The following PPP3R1 variants were observed in gnomAD, a reference collection of about 807,000 sequenced individuals.
PPP3R1 encodes the protein calcineurin subunit B type 1.
In PPP3R1, 5 loss-of-function variants were observed where a neutral mutation model predicts 22.6. The observed-to-expected ratio is 0.22, with a 90% confidence interval of 0.12 to 0.46. The LOEUF is 0.46. Ranked by LOEUF, PPP3R1 falls within the 20% of genes least tolerant of loss-of-function variation. The pLI is 0.99. For missense variants in PPP3R1, 61 were observed against 203.2 expected, an observed-to-expected ratio of 0.30 and a Z score of 4.25; for synonymous variants, 56 against 65.2, an observed-to-expected ratio of 0.86 and a Z score of 0.68.
At chr2:68,209,203 A>C (rs1669412816) in intron 2 of PPP3R1, among the ~76,000 whole-genome samples, 1 of 149,194 alleles carries the variant, frequency 6.7e-6, no homozygotes, top group Non-Finnish European at 1.5e-5. Flanking sequence ...CTAAAAATAC[A>C]AAAAAATTAG....
intron 1 of PPP3R1, among the ~76,000 whole-genome samples, chr2:68,236,774 A>T (rs1196224191): frequency 6.6e-6 from 1 of 152,188 alleles, no homozygotes; most frequent in Non-Finnish European, 1.5e-5. Flanking sequence ...AGGTTATAAA[A>T]ACTTAAATGC....
chr2:68,195,999 G>A (rs1473846079), intron 2 of PPP3R1, among the ~76,000 whole-genome samples: 1 of 151,540 alleles, frequency 6.6e-6, no homozygotes, highest in Non-Finnish European at 1.5e-5. Context: ...CTTTTGTACA[G>A]CAAGAAATTT....
intron 1 of PPP3R1, among the ~76,000 whole-genome samples, chr2:68,245,502 C>T (rs1670218339): frequency 6.6e-6 from 1 of 152,224 alleles, no homozygotes. Context: ...TTTTCACCAG[C>T]AACTCACTCT....
intron 1 of PPP3R1, among the ~76,000 whole-genome samples, chr2:68,246,320 G>A (rs953170419): frequency 2.0e-5 from 3 of 151,658 alleles, no homozygotes; most frequent in Non-Finnish European, 4.4e-5. Flanking sequence ...TGATCCGCCC[G>A]CCTCAGCCTC....
At chr2:68,245,378 T>A (rs13013780) in intron 1 of PPP3R1, among the ~76,000 whole-genome samples, 2 of 151,948 alleles carry the variant, frequency 1.3e-5, no homozygotes, top group Non-Finnish European at 2.9e-5. Context: ...GAAAAAAAAA[T>A]TATTCAGTTT....
At chr2:68,205,449 A>G (rs2103752509) in intron 2 of PPP3R1, among the ~76,000 whole-genome samples, 2 of 152,130 alleles carry the variant, frequency 1.3e-5, no homozygotes, top group African/African-American at 4.8e-5. Context: ...TCACCATGTC[A>G]GTCAGGCTGG....
In PPP3R1 at chr2:68,180,501, G is replaced by C. The variant is rs1674379098; in HGVS notation, c.*462C>G. The C allele has an allele frequency of 6.5e-6, 1 of 152,728 alleles. No individual in the cohort carries two copies. The highest frequency in any genetic ancestry group is 6.5e-5 in the Admixed American group (1 of 15,288). 9.5% of individuals were successfully genotyped at this position (152,728 alleles called of 1,614,324 possible). A position where few individuals can be genotyped will look rare whatever the true frequency, so the allele number is the denominator to read the frequency against. Reference sequence around the variant, plus strand: ...CAGTCTTCTATCTATATATAAAACTGTGTGAAATAAAAGTAAGGATGTTTT... The same window carrying C: ...CAGTCTTCTATCTATATATAAAACTCTGTGAAATAAAAGTAAGGATGTTTT... On this transcript the variant is annotated 3_prime_UTR_variant, in exon 6 of 6. Transcript: ENST00000234310.
Position 68,215,513 on chromosome 2 carries a change from G to A in PPP3R1, c.43+1579C>T, listed in dbSNP as rs549113101. On this transcript the variant is annotated intron_variant, in intron 2 of 5. Transcript: ENST00000234310. ...CTACCAGCAAAAACAGTAAAAATAG[G>A]AAAAGAACAAACTCTGACTCACTTC... Among the ~76,000 whole-genome samples, 3 of 152,190 alleles carry A rather than the reference G, an allele frequency of 2.0e-5. No homozygotes were observed. In the Middle Eastern group the frequency reaches 0.01, roughly 518 times the overall value.
chr2:68,198,138 A>G (rs1273592330), intron 2 of PPP3R1, among the ~76,000 whole-genome samples: 1 of 137,510 alleles, frequency 7.3e-6, no homozygotes, highest in Admixed American at 7.7e-5. Context: ...AAACATGTTT[A>G]CATATACAAT....
intron 2 of PPP3R1, among the ~76,000 whole-genome samples, chr2:68,207,953 C>T (rs1260523922): frequency 2.0e-5 from 3 of 152,128 alleles, no homozygotes; most frequent in Non-Finnish European, 2.9e-5. Flanking sequence ...ATCAGGAGTT[C>T]GAGACAAGCC....
At chr2:68,214,971 C>T (rs770922593) in intron 2 of PPP3R1, among the ~76,000 whole-genome samples, 1 of 152,138 alleles carries the variant, frequency 6.6e-6, no homozygotes, top group African/African-American at 2.4e-5. Flanking sequence ...AACACGAGAT[C>T]GTGTCTTCTG....
intron 2 of PPP3R1, among the ~76,000 whole-genome samples, chr2:68,202,645 G>A (rs1375338965): frequency 9.2e-5 from 14 of 151,580 alleles, no homozygotes; most frequent in South Asian, 2.1e-4. Flanking sequence ...GGCTGGTCAC[G>A]AACTCCCGAC....
intron 1 of PPP3R1, among the ~76,000 whole-genome samples, chr2:68,233,972 C>A (rs1200858464): frequency 2.0e-5 from 3 of 152,142 alleles, no homozygotes; most frequent in Non-Finnish European, 1.5e-5. Context: ...CATTTACATG[C>A]TGAGCACTCT....
chr2:68,209,532 T>C (rs1009516491), intron 2 of PPP3R1, among the ~76,000 whole-genome samples: 3 of 151,798 alleles, frequency 2.0e-5, no homozygotes, highest in South Asian at 2.1e-4. Context: ...GGTGCATGGA[T>C]TGTTTGAGCC....
chr2:68,224,222 CA>C (rs1558638841), intron 1 of PPP3R1, among the ~76,000 whole-genome samples: 3 of 152,104 alleles, frequency 2.0e-5, no homozygotes, highest in Admixed American at 2.0e-4. Flanking sequence ...ATATAGAAGA[CA>C]ATCCTAATAA....
intron 1 of PPP3R1, among the ~76,000 whole-genome samples, chr2:68,226,810 CAAGGTTAGATT>C (rs1669790807): frequency 6.6e-6 from 1 of 152,064 alleles, no homozygotes; most frequent in Non-Finnish European, 1.5e-5. Flanking sequence ...CGTTAAAGTA[CAAGGTTAGATT>C]AAGGGCATTA....
intron 1 of PPP3R1, among the ~76,000 whole-genome samples, chr2:68,233,086 CTT>C (rs1461350580): frequency 2.6e-5 from 4 of 152,296 alleles, no homozygotes; most frequent in East Asian, 3.9e-4. Context: ...GAGTCTCTCT[CTT>C]GTAGAAAAAT....
chr2:68,212,103 C>T (rs1372734405), intron 2 of PPP3R1, among the ~76,000 whole-genome samples: 3 of 151,726 alleles, frequency 2.0e-5, no homozygotes, highest in African/African-American at 7.3e-5. Flanking sequence ...TTTTTGGAGA[C>T]AAGGTCTCGC....
rs1419856538 is a variant in PPP3R1, at chr2:68,180,049, T to C, written c.*914A>G. The C allele has an allele frequency of 1.3e-5, 2 of 152,250 alleles. No individual in the cohort carries two copies. The highest frequency in any genetic ancestry group is 2.9e-5 in the Non-Finnish European group (2 of 68,040). The allele number at this position is 152,250 out of a possible 1,614,324, so 9.4% of individuals were successfully genotyped here. A position where few individuals can be genotyped will look rare whatever the true frequency, so the allele number is the denominator to read the frequency against. On this transcript the variant is annotated 3_prime_UTR_variant, in exon 6 of 6. Transcript: ENST00000234310. Reference sequence around the variant, plus strand: ...GTAGTTACATGATCACTTCAGGTATTCTTCAGTAAGTGATACATACAATCA... The same window carrying C: ...GTAGTTACATGATCACTTCAGGTATCCTTCAGTAAGTGATACATACAATCA...
Sources: allele counts gnomAD v4.1 joint callset (sites outside exome capture counted in the v4.1 genomes callset), GRCh38; gene constraint gnomAD v4.1.1; transcripts MANE v1.5; gene names NCBI Gene and HGNC (gene_info 2026-07-23, HGNC 2026-07-21).